Variants in XPNPEP1 observed in about 807,000 individuals in gnomAD.
XPNPEP1 encodes the protein xaa-Pro aminopeptidase 1.
XPNPEP1 carries 39 observed loss-of-function variants against 92.4 expected under a neutral mutation model. The observed-to-expected ratio is 0.42, with a 90% CI of 0.33 to 0.55. The LOEUF (loss-of-function observed/expected upper bound fraction) is 0.55, where lower values mean the gene tolerates loss of function less well. Ranked by LOEUF, XPNPEP1 falls within the 20% of genes least tolerant of loss-of-function variation. The pLI, the probability that XPNPEP1 is intolerant of heterozygous loss-of-function variation, is 0.08. For synonymous variants in XPNPEP1, 307 were observed against 299.4 expected (o/e 1.03, Z -0.26); for missense variants, 654 against 856.1 (o/e 0.76, Z 2.95).
At chr10:109,911,125 A>C (rs1231587107) in intron 2 of XPNPEP1, among the ~76,000 whole-genome samples, 1 of 152,250 alleles carries the variant, frequency 6.6e-6, no homozygotes, top group Non-Finnish European at 1.5e-5. Context: ...ATCTGCAGCA[A>C]GGGCAACTTC....
chr10:109,922,537 A>C (rs1219539379), intron 1 of XPNPEP1, among the ~76,000 whole-genome samples: 1 of 152,136 alleles, frequency 6.6e-6, no homozygotes, highest in Admixed American at 6.5e-5. Flanking sequence ...GGACCCCCCT[A>C]CTCACAAACA....
intron 1 of XPNPEP1, among the ~76,000 whole-genome samples, chr10:109,921,130 T>C (rs1367898088): frequency 6.6e-6 from 1 of 152,192 alleles, no homozygotes; most frequent in East Asian, 1.9e-4. Flanking sequence ...GATAAAATTC[T>C]TAAGTTCTCT....
In XPNPEP1 at chr10:109,901,434, T is replaced by A. The variant is rs12255285; in HGVS notation, c.246+6257A>T. Among the ~76,000 whole-genome samples, 1,273 of 152,248 alleles carry A rather than the reference T, an allele frequency of 8.4e-3. 24 individuals carry two copies. Among genetic ancestry groups the A allele is most frequent in the African/African-American group, 0.029 (1,192 of 41,542 alleles). On this transcript the variant is annotated intron_variant, in intron 3 of 20. Coordinates refer to ENST00000502935, the MANE Select transcript of XPNPEP1 (RefSeq NM_020383.4). ...ATTTAAAAAAAGATTTCCATGGTAT[T>A]TCTTGTACTTCTCTCCCTCTTTCCA... is the stretch of plus-strand genomic sequence containing the variant.
chr10:109,874,461 G>C (rs1847664845), intron 15 of XPNPEP1, among the ~76,000 whole-genome samples: 2 of 152,198 alleles, frequency 1.3e-5, no homozygotes, highest in Non-Finnish European at 2.9e-5. Flanking sequence ...ATAACTTCTA[G>C]AATCCTGCTA....
chr10:109,868,595 A>G lies in XPNPEP1; in HGVS notation c.1872+19T>C, dbSNP rs745784181. On this transcript the variant is annotated intron_variant, in intron 20 of 20. Coordinates refer to ENST00000502935, the MANE Select transcript of XPNPEP1 (RefSeq NM_020383.4). ...ACCTCCCCTAGTAACATGCCTGCCCACCAAGACTTCCCCATTACCTCTTTG... is the reference window on the plus strand; with the variant it reads ...ACCTCCCCTAGTAACATGCCTGCCCGCCAAGACTTCCCCATTACCTCTTTG... 1 of 1,602,720 alleles carries G rather than the reference A, an allele frequency of 6.2e-7. No individual in the cohort carries two copies. Among genetic ancestry groups the G allele is most frequent in the Non-Finnish European group, 8.5e-7 (1 of 1,170,010 alleles).
chr10:109,868,792 C>T (rs1001784840), intron 19 of XPNPEP1, 80 bp from the exon 20 acceptor site: 3 of 1,348,000 alleles, frequency 2.2e-6, no homozygotes, highest in Non-Finnish European at 3.2e-6. Context: ...CACCAGCATG[C>T]CATCCCTCAG....
intron 1 of XPNPEP1, among the ~76,000 whole-genome samples, chr10:109,918,738 G>A (rs974838658): frequency 1.1e-4 from 16 of 151,826 alleles, no homozygotes; most frequent in Non-Finnish European, 1.9e-4. Flanking sequence ...TCCAGCCTGG[G>A]CGACAGAGCA....
chr10:109,880,372 T>C (rs1263130463), intron 11 of XPNPEP1, 134 bp from the exon 12 acceptor site: 2 of 887,518 alleles, frequency 2.3e-6, no homozygotes, highest in African/African-American at 3.3e-5. Context: ...GAGCTTTACA[T>C]GTGGACATTT....
chr10:109,867,181 A>C lies in XPNPEP1; in HGVS notation c.1872+1433T>G, dbSNP rs569048580. Reference sequence around the variant, plus strand: ...GTGCCCAAGGGCCATTACAAGAGACACTGGTTCCTATGGGGCAGAGGGATT... The same window carrying C: ...GTGCCCAAGGGCCATTACAAGAGACCCTGGTTCCTATGGGGCAGAGGGATT... On this transcript the variant is annotated intron_variant, in intron 20 of 20. Coordinates refer to ENST00000502935, the MANE Select transcript of XPNPEP1 (RefSeq NM_020383.4). This position sits in a 1 kb window ranked among gnomAD's most constrained non-coding sequence, Gnocchi z 4.5. Among the ~76,000 whole-genome samples, 3 of 152,340 alleles carry C rather than the reference A, an allele frequency of 2.0e-5. No homozygotes were observed. Among genetic ancestry groups the C allele is most frequent in the Admixed American group, 2.0e-4 (3 of 15,306 alleles).
chr10:109,895,830 G>T (rs1301633617), intron 3 of XPNPEP1, among the ~76,000 whole-genome samples: 1 of 152,122 alleles, frequency 6.6e-6, no homozygotes, highest in Non-Finnish European at 1.5e-5. Context: ...CTGGACTACC[G>T]CCCCTACAAT....
At chr10:109,878,937 T>C (rs1847929798) in intron 12 of XPNPEP1, among the ~76,000 whole-genome samples, 1 of 151,310 alleles carries the variant, frequency 6.6e-6, no homozygotes, top group Admixed American at 6.6e-5. Context: ...GTAAAAATAA[T>C]TTATATTTTT....
At chr10:109,888,988 T>G (rs1356036343) in intron 5 of XPNPEP1, among the ~76,000 whole-genome samples, 7 of 152,184 alleles carry the variant, frequency 4.6e-5, no homozygotes, top group Non-Finnish European at 2.9e-5. Flanking sequence ...TTTGGTGAAG[T>G]CTGGGAACTG....
chr10:109,906,739 G>A (rs779798280), intron 3 of XPNPEP1, among the ~76,000 whole-genome samples: 7 of 152,120 alleles, frequency 4.6e-5, no homozygotes, highest in African/African-American at 1.2e-4. Flanking sequence ...AAGAGCATCC[G>A]AAGCTTCCCT....
intron 2 of XPNPEP1, among the ~76,000 whole-genome samples, chr10:109,913,682 T>C (rs538069310): frequency 5.3e-5 from 8 of 152,282 alleles, no homozygotes; most frequent in African/African-American, 1.7e-4. Flanking sequence ...AATTCCCAAG[T>C]CCATGCTCTA....
At chr10:109,871,920 T>C (rs1164223184) in intron 16 of XPNPEP1, 59 bp from the exon 17 acceptor site, 1 of 1,511,022 alleles carries the variant, frequency 6.6e-7, no homozygotes, top group Non-Finnish European at 9.0e-7. Flanking sequence ...ATCCTGTAGT[T>C]TTCTGGTAGT....
chr10:109,873,268 C>T lies in XPNPEP1; in HGVS notation c.1452+99G>A. 2.8e-6 allele frequency: 4 copies of T among 1,404,806 alleles called. No individual in the cohort carries two copies. The South Asian group carries it at 4.8e-5, about 17-fold the overall frequency. The allele number at this position is 1,404,806 out of a possible 1,614,324, so 87.0% of individuals were successfully genotyped here. A position where few individuals can be genotyped will look rare whatever the true frequency, so the allele number is the denominator to read the frequency against. The stretch of plus-strand genomic sequence containing the variant: ...AGCAAGGAGCAATTTTACTACCCCA[C>T]ATGTAATTTTTACTTCTTTATACAA... On this transcript the variant is annotated intron_variant, in intron 16 of 20. Transcript: ENST00000502935.
intron 3 of XPNPEP1, among the ~76,000 whole-genome samples, chr10:109,906,416 T>C (rs1384862533): frequency 6.6e-6 from 1 of 152,164 alleles, no homozygotes; most frequent in Non-Finnish European, 1.5e-5. Flanking sequence ...GAAACTGATA[T>C]GCAGCAAGAC....
intron 7 of XPNPEP1, among the ~76,000 whole-genome samples, chr10:109,887,409 C>A (rs769070341): frequency 1.2e-4 from 18 of 152,170 alleles, no homozygotes; most frequent in Non-Finnish European, 2.5e-4. Context: ...TAGGCTGTCA[C>A]GCTTTCTTCC....
intron 18 of XPNPEP1, 144 bp from the exon 19 acceptor site, chr10:109,870,173 G>C (rs1847375878): frequency 1.1e-6 from 1 of 891,636 alleles, no homozygotes; most frequent in Non-Finnish European, 1.7e-6. Flanking sequence ...TAAGAGCCTA[G>C]AGATGCCACC....
Sources: gnomAD v4.1 joint callset for allele counts (sites outside exome capture counted in the v4.1 genomes callset) on GRCh38, gnomAD v4.1.1 for gene constraint, Gnocchi (gnomAD v3.1) non-coding constraint, MANE v1.5 for transcripts, NCBI Gene and HGNC (gene_info 2026-07-23, HGNC 2026-07-21) for gene names.